The following RUVBL1 variants were observed in gnomAD, a reference collection of about 807,000 sequenced individuals.
RUVBL1 encodes RuvB like AAA ATPase 1.
Under a neutral mutation model 52.4 loss-of-function variants are expected in RUVBL1, and 4 were observed. That is an observed-to-expected ratio of 0.08 (90% CI 0.04 to 0.17). The LOEUF (loss-of-function observed/expected upper bound fraction) is 0.17. Among genes scored for constraint, RUVBL1 ranks in the 10% least tolerant of loss-of-function variants. The pLI, the probability that RUVBL1 is intolerant of heterozygous loss-of-function variation, is 1.00. For missense variants in RUVBL1, 298 were observed against 572.8 expected (o/e 0.52, Z 4.90); for synonymous variants, 217 against 214.4 (o/e 1.01, Z -0.10).
intron 1 of RUVBL1, among the ~76,000 whole-genome samples, chr3:128,145,886 C>T (rs779977666): frequency 6.6e-6 from 1 of 152,188 alleles, no homozygotes; most frequent in Non-Finnish European, 1.5e-5. Context: ...CTCCAGCCAA[C>T]CTGTTCCCCT....
At chr3:128,150,755 C>CTATATTATATATTCTA (rs1559841298) in intron 1 of RUVBL1, among the ~76,000 whole-genome samples, 2 of 100,578 alleles carry the variant, frequency 2.0e-5, no homozygotes, top group Non-Finnish European at 3.6e-5. Context: ...TATATATTCT[C>CTATATTATATATTCTA]TATATATTCT....
At chr3:128,149,773 G>A (rs1236616044) in intron 1 of RUVBL1, among the ~76,000 whole-genome samples, 3 of 152,222 alleles carry the variant, frequency 2.0e-5, no homozygotes, top group African/African-American at 2.4e-5. Flanking sequence ...CACACAAGGA[G>A]GGAGACTTCG....
chr3:128,120,980 C>CA (rs397737928), intron 1 of RUVBL1, among the ~76,000 whole-genome samples: 20,760 of 134,290 alleles, frequency 0.15, 1,603 homozygotes, highest in African/African-American at 0.22. Context: ...GACTCCCTCT[C>CA]AAAAAAAAAA....
At chr3:128,097,888 G>A (rs1943022536) in intron 7 of RUVBL1, among the ~76,000 whole-genome samples, 1 of 152,058 alleles carries the variant, frequency 6.6e-6, no homozygotes, top group Admixed American at 6.6e-5. Context: ...GGGAGCCCTG[G>A]GTGAAATGAG....
chr3:128,097,523 C>T (rs558058829), intron 7 of RUVBL1, 25 bp from the exon 8 acceptor site: 33 of 1,607,542 alleles, frequency 2.1e-5, no homozygotes, highest in Non-Finnish European at 2.6e-5. Context: ...GATGGGCAGG[C>T]AAGGTCAGCA....
chr3:128,132,812 T>C (rs1027810752), intron 1 of RUVBL1, among the ~76,000 whole-genome samples: 1 of 151,974 alleles, frequency 6.6e-6, no homozygotes, highest in African/African-American at 2.4e-5. Context: ...AACCAGCACA[T>C]TCCCAGTTGT....
intron 1 of RUVBL1, among the ~76,000 whole-genome samples, chr3:128,132,248 G>A (rs1393264632): frequency 6.6e-6 from 1 of 152,170 alleles, no homozygotes; most frequent in African/African-American, 2.4e-5. Context: ...CTGAGTTCCG[G>A]CCAGCCTCAT....
Position 128,067,231 on chromosome 3 carries a change from T to C in RUVBL1, c.940-2011A>G. On this transcript the variant is annotated intron_variant, in intron 9 of 9. Coordinates refer to the RUVBL1 transcript ENST00000464873. This position sits in a 1 kb window ranked among gnomAD's most constrained non-coding sequence, Gnocchi z 4.1. ...TATCAGTGTCTTGCTCATGAACAGA[T>C]ATTTCATCCAAAGATATTTTCCATT... The C allele has an allele frequency of 1.4e-6, 2 of 1,384,634 alleles. No homozygotes were observed. The highest frequency in any genetic ancestry group is 2.0e-6 in the Non-Finnish European group (2 of 982,426). 85.8% of individuals were successfully genotyped at this position (1,384,634 alleles called of 1,614,324 possible). A position where few individuals can be genotyped will look rare whatever the true frequency, so the allele number is the denominator to read the frequency against.
upstream of RUVBL1, among the ~76,000 whole-genome samples, chr3:128,126,267 CA>C (rs1943790154): frequency 6.6e-6 from 1 of 151,712 alleles, no homozygotes; most frequent in Non-Finnish European, 1.5e-5. Context: ...ACTGATGGGC[CA>C]GGGGCGGTGG....
intron 1 of RUVBL1, among the ~76,000 whole-genome samples, chr3:128,129,459 G>T (rs1368202778): frequency 6.6e-6 from 1 of 152,014 alleles, no homozygotes; most frequent in Non-Finnish European, 1.5e-5. Flanking sequence ...TAAAAAAGAA[G>T]AAAGATCTCA....
At chr3:128,083,795 T>C (rs1490192761) in intron 9 of RUVBL1, 2 of 152,338 alleles carry the variant, frequency 1.3e-5, no homozygotes, top group Admixed American at 1.3e-4. Context: ...GTCCTGATTT[T>C]GGCAGGACAC....
intron 1 of RUVBL1, among the ~76,000 whole-genome samples, chr3:128,143,928 C>G (rs1944067405): frequency 6.6e-6 from 1 of 152,200 alleles, no homozygotes; most frequent in South Asian, 2.1e-4. Flanking sequence ...CCACAATGAT[C>G]TTGTGAAACA....
chr3:128,142,783 T>C (rs1037789385), intron 1 of RUVBL1, among the ~76,000 whole-genome samples: 1 of 152,088 alleles, frequency 6.6e-6, no homozygotes, highest in Non-Finnish European at 1.5e-5. Context: ...CCTGCCTCTC[T>C]CCTTTTTTTG....
At chr3:128,141,985 A>G (rs1184430659) in intron 1 of RUVBL1, 1 of 152,066 alleles carries the variant, frequency 6.6e-6, no homozygotes, top group African/African-American at 2.4e-5. Flanking sequence ...CACTTGCCAT[A>G]TTTTTTAAAT....
At chr3:128,111,008 T>C (rs991971094) in intron 3 of RUVBL1, among the ~76,000 whole-genome samples, 1 of 151,800 alleles carries the variant, frequency 6.6e-6, no homozygotes, top group Non-Finnish European at 1.5e-5. Flanking sequence ...AGGTGAATCA[T>C]GAGGTCAGGA....
chr3:128,085,859 T>TCCC (rs1942629965), intron 9 of RUVBL1, among the ~76,000 whole-genome samples: 1 of 152,176 alleles, frequency 6.6e-6, no homozygotes, highest in Non-Finnish European at 1.5e-5. Flanking sequence ...GATGAGAGAT[T>TCCC]TCTAGCAGGA....
intron 1 of RUVBL1, among the ~76,000 whole-genome samples, chr3:128,136,461 A>C (rs973073699): frequency 5.9e-5 from 9 of 151,966 alleles, no homozygotes; most frequent in Non-Finnish European, 1.5e-5. Flanking sequence ...CCCCATCTCT[A>C]CAAAAAATAC....
At chr3:128,121,292 C>T (rs556810124) in intron 1 of RUVBL1, among the ~76,000 whole-genome samples, 2 of 151,662 alleles carry the variant, frequency 1.3e-5, no homozygotes, top group East Asian at 4.0e-4. Flanking sequence ...GACAGGGTTT[C>T]GTCATGTTGG....
At chr3:128,077,154 G>A (rs1942358053), downstream of RUVBL1, among the ~76,000 whole-genome samples, 1 of 151,990 alleles carries the variant, frequency 6.6e-6, no homozygotes, top group Admixed American at 6.5e-5. Flanking sequence ...GCTGATGGCC[G>A]CCCAGCCCGC....
Sources: gnomAD v4.1 joint callset for allele counts (sites outside exome capture counted in the v4.1 genomes callset) on GRCh38, gnomAD v4.1.1 for gene constraint, Gnocchi (gnomAD v3.1) non-coding constraint, MANE v1.5 for transcripts, NCBI Gene and HGNC (gene_info 2026-07-23, HGNC 2026-07-21) for gene names.